Variants in NEBL observed in about 807,000 individuals in gnomAD.
NEBL encodes nebulette, also known as LIM and SH3 protein 2.
In NEBL, 122 loss-of-function variants were observed where a neutral mutation model predicts 140.2. The ratio of observed to expected loss-of-function variants is 0.87; its 90% CI spans 0.75 to 1.01. The LOEUF (loss-of-function observed/expected upper bound fraction) is 1.01, where lower values mean the gene tolerates loss of function less well. Ranked by LOEUF, NEBL falls within the 50% of genes least tolerant of loss-of-function variation. The probability of loss-of-function intolerance (pLI) is 0.00; values close to 1 mark genes in which losing one functional copy is unlikely to be tolerated. For synonymous variants in NEBL, 436 were observed against 398.9 expected, an observed-to-expected ratio of 1.09 and a Z score of -1.11; for missense variants, 1,365 against 1,231.3, an observed-to-expected ratio of 1.11 and a Z score of -1.62.
intron 2 of NEBL, among the ~76,000 whole-genome samples, chr10:21,073,433 G>A (rs805253): frequency 0.012 from 1,765 of 151,436 alleles, 11 homozygotes; most frequent in Non-Finnish European, 0.018. Context: ...CCTGGCCAAC[G>A]TGGTGAAACC....
intron 13 of NEBL, among the ~76,000 whole-genome samples, chr10:20,838,992 T>A (rs894279520): frequency 1.3e-5 from 2 of 152,190 alleles, no homozygotes; most frequent in Non-Finnish European, 1.5e-5. Flanking sequence ...ATTGTGATAT[T>A]TGCTTTATTA....
intron 3 of NEBL, among the ~76,000 whole-genome samples, chr10:20,980,653 T>C (rs895251526): frequency 1.3e-5 from 2 of 152,110 alleles, no homozygotes; most frequent in Non-Finnish European, 2.9e-5. Context: ...TCAAGACCAG[T>C]GTGAAGGCAA....
intron 2 of NEBL, among the ~76,000 whole-genome samples, chr10:21,059,622 A>T (rs1274303326): frequency 6.6e-6 from 1 of 152,252 alleles, no homozygotes; most frequent in Non-Finnish European, 1.5e-5. Flanking sequence ...GCTCTGTGCC[A>T]GCCAAACATT....
chr10:21,158,733 C>G (rs1217038874), intron 2 of NEBL, among the ~76,000 whole-genome samples: 1 of 152,174 alleles, frequency 6.6e-6, no homozygotes, highest in African/African-American at 2.4e-5. Flanking sequence ...TGATGTCTGA[C>G]TACTGGCTCT....
intron 4 of NEBL, among the ~76,000 whole-genome samples, chr10:20,884,033 GT>G (rs1416410281): frequency 6.6e-6 from 1 of 152,136 alleles, no homozygotes; most frequent in African/African-American, 2.4e-5. Context: ...GATTAATGCT[GT>G]TTTCTTCATA....
chr10:20,996,934 G>A (rs530938451), intron 3 of NEBL, among the ~76,000 whole-genome samples: 34 of 151,984 alleles, frequency 2.2e-4, no homozygotes, highest in African/African-American at 6.5e-4. Flanking sequence ...TCAATGCCTC[G>A]GCCATTTTGA....
At position 21,272,150 on chromosome 10, in the gene NEBL, A is replaced by T. The variant is rs1230611339; in HGVS notation, n.183-20322T>A. On this transcript the variant is annotated intron_variant and non_coding_transcript_variant, in intron 1 of 8. Coordinates refer to the NEBL transcript ENST00000675702. ...TTTTTTTTTTTTTTTTTTTTTTAGT[A>T]GAGACGGGGTTTCACCATGTTAGCC... Among the ~76,000 whole-genome samples, 165 of 82,614 alleles carry T rather than the reference A, an allele frequency of 2.0e-3. 1 individual carries two copies. The highest frequency in any genetic ancestry group is 9.3e-3 in the African/African-American group (148 of 15,980). The allele number at this position is 82,614 out of a possible 152,430, so 54.2% of individuals were successfully genotyped here. A position where few individuals can be genotyped will look rare whatever the true frequency, so the allele number is the denominator to read the frequency against.
rs140087097 is a variant in NEBL at position 20,892,778 on chromosome 10, G to T, written c.154-2829C>A. Among the ~76,000 whole-genome samples, 527 of 152,300 alleles carry T rather than the reference G, an allele frequency of 3.5e-3. 8 individuals are homozygous for T. Among genetic ancestry groups the T allele is most frequent in the African/African-American group, 0.011 (458 of 41,564 alleles). ...GATTAGCTAAAGGCTGAAATCGGAT[G>T]ACAGACATGGAGATGTTTGCGGATC... On this transcript the variant is annotated intron_variant, in intron 2 of 27. Coordinates refer to ENST00000377122, the MANE Select transcript of NEBL (RefSeq NM_006393.3).
At chr10:21,144,084 G>A (rs1839773210) in intron 2 of NEBL, among the ~76,000 whole-genome samples, 1 of 152,232 alleles carries the variant, frequency 6.6e-6, no homozygotes. Context: ...TCTCTGTAAT[G>A]AGAGGCATCT....
chr10:20,992,879 A>T (rs1240064436), intron 3 of NEBL, among the ~76,000 whole-genome samples: 1 of 134,506 alleles, frequency 7.4e-6, no homozygotes, highest in Non-Finnish European at 1.5e-5. Flanking sequence ...CCAGGTTCAT[A>T]CCATTCTCCC....
At chr10:20,807,088 G>T (rs777418865) in intron 26 of NEBL, among the ~76,000 whole-genome samples, 5 of 152,186 alleles carry the variant, frequency 3.3e-5, no homozygotes, top group Admixed American at 1.3e-4. Flanking sequence ...CACTTGGGAG[G>T]CTGAGGTGGG....
intron 3 of NEBL, among the ~76,000 whole-genome samples, chr10:21,017,589 T>C (rs1327471450): frequency 6.6e-6 from 1 of 152,132 alleles, no homozygotes; most frequent in Non-Finnish European, 1.5e-5. Flanking sequence ...AACAGTGACC[T>C]TGTTCTTCTT....
rs922159312 is a variant in NEBL at position 21,029,477 on chromosome 10, C to T, written c.165-9276G>A. 7 of 1,611,582 alleles carry T rather than the reference C, an allele frequency of 4.3e-6. No individual in the cohort carries two copies. The Admixed American group carries it at 1.0e-4, about 23-fold the overall frequency. On this transcript the variant is annotated intron_variant, in intron 2 of 6. Coordinates refer to the NEBL transcript ENST00000417816. Reference sequence around the variant, plus strand: ...AGTGCCCTGAGTCTCAATTAAGAGTCTCTAGGTAACAGGAGAATTCGAGTG... The same window carrying T: ...AGTGCCCTGAGTCTCAATTAAGAGTTTCTAGGTAACAGGAGAATTCGAGTG...
chr10:21,212,575 G>C (rs922569605), intron 3 of NEBL, among the ~76,000 whole-genome samples: 13 of 152,144 alleles, frequency 8.5e-5, no homozygotes, highest in Admixed American at 8.5e-4. Context: ...CAGAAGCTTC[G>C]GTGAAAGGGG....
At chr10:21,284,210 C>CAAAAAAAAA in intron 1 of NEBL, among the ~76,000 whole-genome samples, 1 of 37,184 alleles carries the variant, frequency 2.7e-5, no homozygotes, top group Non-Finnish European at 4.5e-5. Flanking sequence ...ACTCCGTCTC[C>CAAAAAAAAA]AAAAAAAAAA....
intron 4 of NEBL, among the ~76,000 whole-genome samples, chr10:20,921,429 A>G (rs541595802): frequency 6.6e-6 from 1 of 152,304 alleles, no homozygotes; most frequent in South Asian, 2.1e-4. Flanking sequence ...ACGGGAGATC[A>G]GATGACAGGA....
intron 3 of NEBL, among the ~76,000 whole-genome samples, chr10:21,197,934 C>T (rs1407696999): frequency 6.6e-6 from 1 of 152,100 alleles, no homozygotes; most frequent in African/African-American, 2.4e-5. Context: ...CCATGATTCC[C>T]TTAAGAAACC....
At chr10:20,828,049 G>A (rs1321573786) in intron 17 of NEBL, among the ~76,000 whole-genome samples, 2 of 151,484 alleles carry the variant, frequency 1.3e-5, no homozygotes, top group Non-Finnish European at 2.9e-5. Flanking sequence ...GTAAAAACCT[G>A]CACAGGTACC....
chr10:21,039,209 T>G (rs1482169429), intron 2 of NEBL, among the ~76,000 whole-genome samples: 1 of 152,150 alleles, frequency 6.6e-6, no homozygotes, highest in Non-Finnish European at 1.5e-5. Flanking sequence ...TCTTTTGCTG[T>G]GCAGAAGCTC....
Sources: gnomAD v4.1 joint callset for allele counts (sites outside exome capture counted in the v4.1 genomes callset) on GRCh38, gnomAD v4.1.1 for gene constraint, MANE v1.5 for transcripts, NCBI Gene and HGNC (gene_info 2026-07-23, HGNC 2026-07-21) for gene names.